BRD10: variants seen among roughly 807,000 people sequenced by gnomAD.
BRD10 encodes the protein bromodomain containing 10, also known as uncharacterized bromodomain-containing protein 10.
chr9:5,964,013 A>G, the BRD10 span, among the ~76,000 whole-genome samples: 2 of 152,136 alleles, frequency 1.3e-5, no homozygotes, highest in Non-Finnish European at 2.9e-5. Context: ...TTCATGTCCA[A>G]AACACCAAAA....
chr9:5,961,413 TATA>T, the BRD10 span, among the ~76,000 whole-genome samples: 1 of 152,124 alleles, frequency 6.6e-6, no homozygotes, highest in Admixed American at 6.5e-5. Flanking sequence ...GTACTGCTTT[TATA>T]ATAAGAAAAA....
chr9:5,894,848 G>C, the BRD10 span, among the ~76,000 whole-genome samples: 6 of 152,208 alleles, frequency 3.9e-5, no homozygotes, highest in Admixed American at 3.3e-4. This position sits in a 1 kb window ranked among gnomAD's most constrained non-coding sequence, Gnocchi z 4.0. Flanking sequence ...GCATCACAGA[G>C]CAGAGCATAG....
At chr9:5,931,836 G>A in the BRD10 span, among the ~76,000 whole-genome samples, 1 of 152,156 alleles carries the variant, frequency 6.6e-6, no homozygotes, top group Admixed American at 6.6e-5. Flanking sequence ...TGTGAGTCAA[G>A]TTTTTATGTT....
chr9:6,002,176 C>A, the BRD10 span, among the ~76,000 whole-genome samples: 1 of 152,212 alleles, frequency 6.6e-6, no homozygotes, highest in African/African-American at 2.4e-5. Context: ...ATCTTTTAAA[C>A]CTGTTGGGGG....
At chr9:5,982,377 T>C in the BRD10 span, among the ~76,000 whole-genome samples, 1 of 152,180 alleles carries the variant, frequency 6.6e-6, no homozygotes, top group Non-Finnish European at 1.5e-5. Flanking sequence ...TTTGAATAGT[T>C]GTCCCCTCCA....
chr9:5,947,313 A>G, the BRD10 span, among the ~76,000 whole-genome samples: 1 of 152,120 alleles, frequency 6.6e-6, no homozygotes, highest in Non-Finnish European at 1.5e-5. Flanking sequence ...GTTTCCAGGT[A>G]TTGCCTGCAA....
the BRD10 span, chr9:5,906,879 T>C: frequency 1.3e-6 from 2 of 1,548,342 alleles, no homozygotes; most frequent in Non-Finnish European, 1.7e-6. Flanking sequence ...TCAATTTACA[T>C]TTCAGGATAA....
chr9:5,952,757 A>T, the BRD10 span, among the ~76,000 whole-genome samples: 4 of 152,324 alleles, frequency 2.6e-5, no homozygotes, highest in African/African-American at 9.6e-5. Flanking sequence ...GAGAAAAACA[A>T]AAGTCGGAGA....
the BRD10 span, among the ~76,000 whole-genome samples, chr9:5,974,766 G>A: frequency 1.3e-5 from 2 of 152,166 alleles, no homozygotes; most frequent in African/African-American, 2.4e-5. Context: ...AAACTTACAA[G>A]ATATTAGAGA....
At chr9:5,983,534 T>G in the BRD10 span, among the ~76,000 whole-genome samples, 3 of 151,900 alleles carry the variant, frequency 2.0e-5, no homozygotes, top group African/African-American at 7.3e-5. Context: ...AATTAAAACA[T>G]GAAGATAATG....
chr9:5,992,220 CT>C, the BRD10 span, among the ~76,000 whole-genome samples: 1 of 152,142 alleles, frequency 6.6e-6, no homozygotes, highest in Non-Finnish European at 1.5e-5. Context: ...AGGATAGGAA[CT>C]TTGTTTTGTT....
the BRD10 span, chr9:5,892,650 G>C: frequency 3.3e-6 from 3 of 913,146 alleles, no homozygotes; most frequent in Non-Finnish European, 4.9e-6. Context: ...AATCTCCCTA[G>C]TGTTTATCTC....
chr9:5,935,229 G>A, the BRD10 span, among the ~76,000 whole-genome samples: 5 of 152,156 alleles, frequency 3.3e-5, no homozygotes, highest in South Asian at 2.1e-4. Flanking sequence ...AAAGGAACGC[G>A]TTTGTACTTT....
the BRD10 span, among the ~76,000 whole-genome samples, chr9:5,988,954 G>A: frequency 1.2e-4 from 18 of 152,202 alleles, no homozygotes; most frequent in East Asian, 2.5e-3. Flanking sequence ...TAAACAGCCG[G>A]GTGCAGTGGC....
At chr9:5,890,163 T>A in the BRD10 span, among the ~76,000 whole-genome samples, 1 of 152,202 alleles carries the variant, frequency 6.6e-6, no homozygotes, top group East Asian at 1.9e-4. Flanking sequence ...CTTTTGTGGG[T>A]CATAAGCGTG....
At chr9:5,900,614 T>A in the BRD10 span, among the ~76,000 whole-genome samples, 1 of 152,182 alleles carries the variant, frequency 6.6e-6, no homozygotes, top group South Asian at 2.1e-4. Context: ...CCTTTAACAA[T>A]CTTCATTAAG....
chr9:5,903,427 T>G, the BRD10 span, among the ~76,000 whole-genome samples: 171 of 152,288 alleles, frequency 1.1e-3, 1 homozygote, highest in African/African-American at 4.0e-3. Context: ...TGTTGTTGAG[T>G]TTTTTTGCAT....
At chr9:5,933,786 A>C in the BRD10 span, 3 of 471,340 alleles carry the variant, frequency 6.4e-6, no homozygotes, top group African/African-American at 2.0e-5. Flanking sequence ...CTGCTACAGT[A>C]ATCTGGGATG....
At chr9:5,986,073 C>G in the BRD10 span, among the ~76,000 whole-genome samples, 11 of 152,152 alleles carry the variant, frequency 7.2e-5, no homozygotes, top group Non-Finnish European at 1.3e-4. Flanking sequence ...CAACCCATCA[C>G]CTAGGTATTA....
Sources: gnomAD v4.1 joint callset for allele counts (sites outside exome capture counted in the v4.1 genomes callset) on GRCh38, gnomAD v4.1.1 for gene constraint, Gnocchi (gnomAD v3.1) non-coding constraint, MANE v1.5 for transcripts, NCBI Gene and HGNC (gene_info 2026-07-23, HGNC 2026-07-21) for gene names.